The following SUCLG2 variants were observed in gnomAD, a reference collection of about 807,000 sequenced individuals.
SUCLG2 encodes the protein succinate-CoA ligase GDP-forming subunit beta, also known as succinate--CoA ligase [GDP-forming] subunit beta, mitochondrial.
SUCLG2 carries 42 observed loss-of-function variants against 47.9 expected under a neutral mutation model. The observed-to-expected ratio is 0.88, with a 90% CI of 0.69 to 1.14. The LOEUF (loss-of-function observed/expected upper bound fraction) is 1.14, where lower values mean the gene tolerates loss of function less well. Ranked by LOEUF, SUCLG2 falls within the 50% of genes most tolerant of loss-of-function variation. The pLI, the probability that SUCLG2 is intolerant of heterozygous loss-of-function variation, is 0.00. For synonymous variants in SUCLG2, 195 were observed against 197.3 expected (o/e 0.99, Z 0.10); for missense variants, 571 against 525.9 (o/e 1.09, Z -0.84).
intron 2 of SUCLG2, among the ~76,000 whole-genome samples, chr3:67,549,310 A>G (rs1706949297): frequency 6.6e-6 from 1 of 152,208 alleles, no homozygotes; most frequent in African/African-American, 2.4e-5. Context: ...TTTCTACGCT[A>G]TCAATGTCAC....
intron 1 of SUCLG2, among the ~76,000 whole-genome samples, chr3:67,640,101 C>T (rs1267472140): frequency 6.6e-6 from 1 of 152,174 alleles, no homozygotes; most frequent in Non-Finnish European, 1.5e-5. Context: ...ATCTTAAAAG[C>T]ACACAAGCAC....
intron 2 of SUCLG2, among the ~76,000 whole-genome samples, chr3:67,602,507 A>T (rs1485102683): frequency 6.6e-6 from 1 of 152,182 alleles, no homozygotes; most frequent in Admixed American, 6.5e-5. Context: ...TCTAGCACAG[A>T]GAAATTCTAA....
chr3:67,594,451 G>A (rs543174432), intron 2 of SUCLG2, among the ~76,000 whole-genome samples: 1 of 152,192 alleles, frequency 6.6e-6, no homozygotes, highest in South Asian at 2.1e-4. Flanking sequence ...TGTCACCTGT[G>A]CTTGAAACAC....
rs955067513 is a variant in SUCLG2 at position 67,408,842 on chromosome 3, G to C, written c.1063-7991C>G. The C allele has an allele frequency of 7.0e-6, 10 of 1,423,940 alleles. No homozygotes were observed. In the African/African-American group the frequency reaches 1.3e-4, roughly 19 times the overall value. The allele number at this position is 1,423,940 out of a possible 1,614,324, so 88.2% of individuals were successfully genotyped here. A position where few individuals can be genotyped will look rare whatever the true frequency, so the allele number is the denominator to read the frequency against. Reference sequence around the variant, plus strand: ...ACACAGCAGTAGGCAATGGTGTCAAGATTTAAATTAAGGCGGTCTTACTGT... The same window carrying C: ...ACACAGCAGTAGGCAATGGTGTCAACATTTAAATTAAGGCGGTCTTACTGT... On this transcript the variant is annotated intron_variant, in intron 9 of 10. Transcript: ENST00000307227.
chr3:67,619,174 G>A (rs1026094105), intron 1 of SUCLG2, among the ~76,000 whole-genome samples: 4 of 152,146 alleles, frequency 2.6e-5, no homozygotes, highest in Non-Finnish European at 4.4e-5. Context: ...AAAGTCTTAC[G>A]TTGCTGATCC....
chr3:67,562,346 C>T (rs1479104412), intron 2 of SUCLG2, among the ~76,000 whole-genome samples: 2 of 151,970 alleles, frequency 1.3e-5, no homozygotes, highest in African/African-American at 2.4e-5. Context: ...AGTGCCATCT[C>T]GGCTCATTGC....
At chr3:67,403,123 T>C (rs1702724669) in intron 9 of SUCLG2, among the ~76,000 whole-genome samples, 1 of 152,196 alleles carries the variant, frequency 6.6e-6, no homozygotes, top group Admixed American at 6.5e-5. Context: ...ACTCTTCATA[T>C]AACCACTTGC....
At chr3:67,383,963 A>T (rs1372950446) in intron 10 of SUCLG2, among the ~76,000 whole-genome samples, 1 of 152,200 alleles carries the variant, frequency 6.6e-6, no homozygotes, top group Non-Finnish European at 1.5e-5. Flanking sequence ...CTTTCCTTGA[A>T]TCTTCCTCCT....
At position 67,381,794 on chromosome 3, in the gene SUCLG2, T is replaced by G. The variant is rs187519939; in HGVS notation, c.1184-5935A>C. Among the ~76,000 whole-genome samples the G allele has an allele frequency of 2.9e-4, 44 of 152,296 alleles. 1 individual carries two copies. Among genetic ancestry groups the G allele is most frequent in the Admixed American group, 2.9e-3 (44 of 15,298 alleles). ...CTTGCTCTACTACTAGGGGATATTATAAATAATAACAATTATTAAAATGTT... is the reference window on the plus strand; with the variant it reads ...CTTGCTCTACTACTAGGGGATATTAGAAATAATAACAATTATTAAAATGTT... On this transcript the variant is annotated intron_variant, in intron 10 of 10. Coordinates refer to ENST00000307227, the MANE Select transcript of SUCLG2 (RefSeq NM_003848.4).
intron 9 of SUCLG2, among the ~76,000 whole-genome samples, chr3:67,405,219 G>A (rs1702776555): frequency 6.6e-6 from 1 of 152,234 alleles, no homozygotes; most frequent in Admixed American, 6.5e-5. Context: ...TCTGGCAGCT[G>A]TGCAGGTGGT....
intron 2 of SUCLG2, among the ~76,000 whole-genome samples, chr3:67,541,107 T>A (rs1309306724): frequency 1.3e-5 from 2 of 152,000 alleles, no homozygotes; most frequent in African/African-American, 4.8e-5. Flanking sequence ...GAAGAACCAG[T>A]ACAAAAAGGC....
At chr3:67,393,236 G>T (rs1334995016) in intron 10 of SUCLG2, among the ~76,000 whole-genome samples, 1 of 152,274 alleles carries the variant, frequency 6.6e-6, no homozygotes, top group Non-Finnish European at 1.5e-5. Context: ...CACTCGGGAA[G>T]TGCAAGGGGT....
intron 2 of SUCLG2, among the ~76,000 whole-genome samples, chr3:67,587,068 A>C (rs1230332776): frequency 6.6e-6 from 1 of 152,200 alleles, no homozygotes; most frequent in Non-Finnish European, 1.5e-5. Flanking sequence ...ATAAACAGTC[A>C]CCACATCCAT....
chr3:67,586,955 T>G (rs1017428753), intron 2 of SUCLG2, among the ~76,000 whole-genome samples: 2 of 152,176 alleles, frequency 1.3e-5, no homozygotes, highest in Admixed American at 6.5e-5. Context: ...CTCCTCATCA[T>G]CATCATCACT....
rs142585359 is a variant in SUCLG2 at position 67,597,129 on chromosome 3, A to G, written c.226+12326T>C. Among the ~76,000 whole-genome samples the G allele has an allele frequency of 1.7e-3, 261 of 152,290 alleles. 3 individuals are homozygous for G. In the East Asian group the frequency reaches 0.034, roughly 20 times the overall value. ...CAGACCTAACCATCCCCACATTTCA[A>G]CTAAGGCTGTTCTGTGGCATCAGAC... On this transcript the variant is annotated intron_variant, in intron 2 of 10. Transcript: ENST00000307227.
intron 10 of SUCLG2, among the ~76,000 whole-genome samples, chr3:67,388,300 T>TCAAGAGAGAAAAAG (rs1268112740): frequency 1.3e-5 from 2 of 152,208 alleles, no homozygotes; most frequent in Non-Finnish European, 2.9e-5. Context: ...GGGATCTTTA[T>TCAAGAGAGAAAAAG]CAAGAGAGAA....
chr3:67,488,540 A>G (rs982044696), intron 9 of SUCLG2, among the ~76,000 whole-genome samples: 1 of 152,204 alleles, frequency 6.6e-6, no homozygotes, highest in African/African-American at 2.4e-5. Context: ...ACATCTAATG[A>G]TGCCTTTACC....
intron 2 of SUCLG2, among the ~76,000 whole-genome samples, chr3:67,541,957 C>A (rs960286553): frequency 6.6e-6 from 1 of 152,020 alleles, no homozygotes; most frequent in African/African-American, 2.4e-5. Context: ...CAACCTCCTC[C>A]TCCTGGGTTC....
chr3:67,412,580 T>C (rs947287717), intron 9 of SUCLG2, among the ~76,000 whole-genome samples: 2 of 152,026 alleles, frequency 1.3e-5, no homozygotes, highest in Non-Finnish European at 2.9e-5. Flanking sequence ...GGAGAGGGAA[T>C]TGGGGGCATT....
Sources: allele counts gnomAD v4.1 joint callset (sites outside exome capture counted in the v4.1 genomes callset), GRCh38; gene constraint gnomAD v4.1.1; transcripts MANE v1.5; gene names NCBI Gene and HGNC (gene_info 2026-07-23, HGNC 2026-07-21).